FAM135B: variants seen among roughly 807,000 people sequenced by gnomAD.
The protein encoded by FAM135B is protein FAM135B.
FAM135B carries 43 observed loss-of-function variants against 127.7 expected under a neutral mutation model. The ratio of observed to expected loss-of-function variants is 0.34; its 90% CI spans 0.26 to 0.43. The LOEUF is 0.43. Ranked by LOEUF, FAM135B falls within the 20% of genes least tolerant of loss-of-function variation. FAM135B has a pLI of 1.00. For synonymous variants in FAM135B, 670 were observed against 665.1 expected (o/e 1.01, Z -0.11); for missense variants, 1,558 against 1,725.6 (o/e 0.90, Z 1.72).
chr8:138,448,668 A>C (rs142958682), intron 1 of FAM135B, among the ~76,000 whole-genome samples: 34 of 152,198 alleles, frequency 2.2e-4, no homozygotes, highest in African/African-American at 7.9e-4. Flanking sequence ...CCATAATCAC[A>C]TGAGCCAATC....
At chr8:138,208,370 G>A (rs1320847193) in intron 7 of FAM135B, among the ~76,000 whole-genome samples, 1 of 152,162 alleles carries the variant, frequency 6.6e-6, no homozygotes, top group Non-Finnish European at 1.5e-5. Context: ...CAGAAGGCAG[G>A]TATGAATTAT....
intron 7 of FAM135B, among the ~76,000 whole-genome samples, chr8:138,206,894 C>T (rs6577887): frequency 0.059 from 8,842 of 149,468 alleles, 183 homozygotes; most frequent in East Asian, 0.14. Flanking sequence ...TCATCCCCTC[C>T]ACCTACACAC....
At chr8:138,280,451 A>G (rs1169681028) in intron 3 of FAM135B, among the ~76,000 whole-genome samples, 3 of 152,146 alleles carry the variant, frequency 2.0e-5, no homozygotes, top group African/African-American at 7.2e-5. Context: ...CAGGGCCACA[A>G]TCGGCTGGCC....
At chr8:138,185,070 A>C (rs565774241) in intron 9 of FAM135B, among the ~76,000 whole-genome samples, 1 of 152,298 alleles carries the variant, frequency 6.6e-6, no homozygotes, top group South Asian at 2.1e-4. Context: ...AGTGCTGTGA[A>C]GTCCTAGCGC....
intron 7 of FAM135B, among the ~76,000 whole-genome samples, chr8:138,204,546 T>C (rs760677885): frequency 5.0e-4 from 76 of 152,342 alleles, no homozygotes; most frequent in Non-Finnish European, 3.1e-4. Context: ...TACAGGGCAC[T>C]GCAATGGCAC....
intron 9 of FAM135B, among the ~76,000 whole-genome samples, chr8:138,189,340 T>C (rs1188533273): frequency 6.6e-6 from 1 of 152,146 alleles, no homozygotes; most frequent in Non-Finnish European, 1.5e-5. Flanking sequence ...CATTCACCAC[T>C]CTTCAATTCA....
chr8:138,443,581 C>T (rs111510125), intron 1 of FAM135B, among the ~76,000 whole-genome samples: 1 of 152,256 alleles, frequency 6.6e-6, no homozygotes, highest in South Asian at 2.1e-4. Flanking sequence ...AATTGTCATT[C>T]ATCAAATTAA....
At chr8:138,218,576 A>T (rs1437151093) in intron 7 of FAM135B, among the ~76,000 whole-genome samples, 1 of 152,166 alleles carries the variant, frequency 6.6e-6, no homozygotes, top group Non-Finnish European at 1.5e-5. Flanking sequence ...ATGTTCATGG[A>T]TGTTAGAAAA....
In FAM135B at chr8:138,265,770, C is replaced by T. The variant is rs370398438; in HGVS notation, c.230G>A (p.Arg77Gln). 34 of 1,614,014 alleles carry T rather than the reference C, an allele frequency of 2.1e-5. No homozygotes were observed. Among genetic ancestry groups the T allele is most frequent in the Admixed American group, 3.3e-5 (2 of 60,010 alleles). Residue 77 changes from arginine (R) to glutamine (Q), a missense_variant, in exon 4 of 20, where the codon CGG becomes CAG. By Grantham distance (43) the Arg-to-Gln change is conservative. Coordinates refer to ENST00000395297, the MANE Select transcript of FAM135B (RefSeq NM_015912.4). Reference sequence around the variant, plus strand: ...ATCATTTATGGGTACCTCTTCATTCCGGTATAAGATCTGAAAGACCCGGCT... The same window carrying T: ...ATCATTTATGGGTACCTCTTCATTCTGGTATAAGATCTGAAAGACCCGGCT... ...VHSRVFQILYRNEEVPINDAV... is the reference protein window; with the variant it reads ...VHSRVFQILYQNEEVPINDAV...
At chr8:138,157,394 G>A (rs1422084294) in intron 12 of FAM135B, among the ~76,000 whole-genome samples, 2 of 152,196 alleles carry the variant, frequency 1.3e-5, no homozygotes, top group Non-Finnish European at 2.9e-5. Flanking sequence ...CATAAGACAG[G>A]GATGCCTTCT....
intron 1 of FAM135B, among the ~76,000 whole-genome samples, chr8:138,392,550 TAAG>T (rs1285499770): frequency 1.2e-4 from 18 of 152,260 alleles, no homozygotes; most frequent in African/African-American, 4.1e-4. Flanking sequence ...CCTTCTCCTT[TAAG>T]TCACAGAGTC....
At chr8:138,491,805 T>C (rs1315874248) in intron 1 of FAM135B, among the ~76,000 whole-genome samples, 1 of 152,122 alleles carries the variant, frequency 6.6e-6, no homozygotes, top group Non-Finnish European at 1.5e-5. Flanking sequence ...AAGGTGACAT[T>C]TGAGTTGCAG....
intron 1 of FAM135B, among the ~76,000 whole-genome samples, chr8:138,407,020 C>T (rs1417336071): frequency 6.7e-6 from 1 of 150,374 alleles, no homozygotes; most frequent in Non-Finnish European, 1.5e-5. Flanking sequence ...AATGTCTCAG[C>T]CCAAAATCTC....
At chr8:138,138,762 C>G (rs1195742631) in intron 18 of FAM135B, among the ~76,000 whole-genome samples, 1 of 152,232 alleles carries the variant, frequency 6.6e-6, no homozygotes, top group Non-Finnish European at 1.5e-5. Context: ...TGATCTTACA[C>G]ACACCTTGGC....
chr8:138,186,408 T>G (rs11783192), intron 9 of FAM135B, among the ~76,000 whole-genome samples: 83,320 of 151,984 alleles, frequency 0.55, 23,146 homozygotes, highest in East Asian at 0.76. Flanking sequence ...GTCTTCAAAT[T>G]GCTTTAAATC....
At chr8:138,462,390 G>A (rs1030661555) in intron 1 of FAM135B, among the ~76,000 whole-genome samples, 1 of 152,178 alleles carries the variant, frequency 6.6e-6, no homozygotes, top group African/African-American at 2.4e-5. Context: ...TCATGAGGGT[G>A]GGATAAAGGT....
intron 1 of FAM135B, among the ~76,000 whole-genome samples, chr8:138,390,551 T>C (rs1385611142): frequency 6.6e-6 from 1 of 152,176 alleles, no homozygotes; most frequent in Non-Finnish European, 1.5e-5. Context: ...TAATATAGTG[T>C]CCTATACTTT....
At chr8:138,260,491 T>A (rs1822457432) in intron 4 of FAM135B, among the ~76,000 whole-genome samples, 1 of 152,314 alleles carries the variant, frequency 6.6e-6, no homozygotes, top group Middle Eastern at 3.4e-3. Context: ...TTATAACTCA[T>A]CCTGAACTCC....
chr8:138,198,127 G>A (rs972977834), intron 7 of FAM135B, among the ~76,000 whole-genome samples: 16 of 152,080 alleles, frequency 1.1e-4, no homozygotes, highest in African/African-American at 2.4e-4. Context: ...ATTGAATCAC[G>A]GGGGCGGGGT....
Sources: allele counts gnomAD v4.1 joint callset (sites outside exome capture counted in the v4.1 genomes callset), GRCh38; gene constraint gnomAD v4.1.1; transcripts MANE v1.5; gene names NCBI Gene and HGNC (gene_info 2026-07-23, HGNC 2026-07-21).